The following GLI2 variants were observed in gnomAD, a reference collection of about 807,000 sequenced individuals.
GLI2 encodes the protein transcription activator GLI2.
Under a neutral mutation model 78.9 loss-of-function variants are expected in GLI2, and 22 were observed. The ratio of observed to expected loss-of-function variants is 0.28; its 90% CI spans 0.20 to 0.40. The LOEUF (loss-of-function observed/expected upper bound fraction) is 0.40, where lower values mean the gene tolerates loss of function less well. Ranked by LOEUF, GLI2 falls within the 10% of genes least tolerant of loss-of-function variation. GLI2 has a pLI of 1.00. For missense variants in GLI2, 2,097 were observed against 2,213.2 expected (o/e 0.95, Z 1.05); for synonymous variants, 974 against 963.7 (o/e 1.01, Z -0.20).
At chr2:120,967,638 C>T (rs985261937) in intron 5 of GLI2, among the ~76,000 whole-genome samples, 6 of 152,240 alleles carry the variant, frequency 3.9e-5, no homozygotes, top group Admixed American at 3.3e-4. Flanking sequence ...AGCCATGTGT[C>T]CACACATATG....
intron 2 of GLI2, among the ~76,000 whole-genome samples, chr2:120,797,762 G>C (rs548211590): frequency 6.6e-5 from 10 of 152,104 alleles, no homozygotes; most frequent in Non-Finnish European, 1.5e-4. Context: ...GGAGGGGCAT[G>C]GTCGCTGCCA....
At chr2:120,979,886 T>C (rs950921432) in intron 10 of GLI2, among the ~76,000 whole-genome samples, 27 of 152,250 alleles carry the variant, frequency 1.8e-4, no homozygotes, top group African/African-American at 6.5e-4. Flanking sequence ...TCATAAAAAC[T>C]GAAATCATAC....
Position 120,982,784 on chromosome 2 carries a change from G to C in GLI2, c.1536G>C (p.Gly512=), listed in dbSNP as rs1248370913. 1.2e-6 allele frequency: 2 copies of C among 1,614,034 alleles called. No homozygotes were observed. Among genetic ancestry groups the C allele is most frequent in the South Asian group, 2.2e-5 (2 of 91,082 alleles). ...AGACACACCTGCGGTCCCACACCGG[G>C]GAGAAGCCATATGTGTGTGAGCACG... The part of the protein sequence containing the change: ...NLKTHLRSHT[G]EKPYVCEHEG... The change falls in exon 11 of 14, where the codon GGG becomes GGC. Residue 512 remains glycine, a synonymous_variant. Coordinates refer to ENST00000361492, the MANE Select transcript of GLI2 (RefSeq NM_001374353.1).
intron 2 of GLI2, among the ~76,000 whole-genome samples, chr2:120,897,173 C>T (rs1289235667): frequency 6.6e-6 from 1 of 152,220 alleles, no homozygotes; most frequent in Non-Finnish European, 1.5e-5. Flanking sequence ...GTGGCCACAG[C>T]TCCTGGTCTT....
At chr2:120,923,248 A>G (rs1173009253) in intron 2 of GLI2, among the ~76,000 whole-genome samples, 1 of 21,806 alleles carries the variant, frequency 4.6e-5, no homozygotes, top group East Asian at 2.7e-3. Flanking sequence ...ACACACACAC[A>G]ACAGCACACA....
intron 2 of GLI2, among the ~76,000 whole-genome samples, chr2:120,874,556 CA>C (rs1297574228): frequency 6.6e-6 from 1 of 152,156 alleles, no homozygotes; most frequent in East Asian, 1.9e-4. Flanking sequence ...TCTGTGTAGA[CA>C]GGCCGGCGTT....
chr2:120,781,291 C>G (rs1041792256), intron 1 of GLI2, among the ~76,000 whole-genome samples: 17 of 152,086 alleles, frequency 1.1e-4, no homozygotes, highest in African/African-American at 4.1e-4. Context: ...TCATAACTCC[C>G]AGGAAGAATG....
intron 3 of GLI2, among the ~76,000 whole-genome samples, chr2:120,929,465 T>C (rs1466691447): frequency 6.6e-6 from 1 of 152,266 alleles, no homozygotes; most frequent in Non-Finnish European, 1.5e-5. Context: ...TTTCTGTTTC[T>C]ATCATTTTGT....
At chr2:120,748,842 G>C (rs1682773442) in intron 1 of GLI2, among the ~76,000 whole-genome samples, 1 of 147,574 alleles carries the variant, frequency 6.8e-6, no homozygotes, top group Admixed American at 6.8e-5. Flanking sequence ...AGATTATAGT[G>C]ATCTTGCATT....
At chr2:120,887,682 G>A (rs1027240840) in intron 2 of GLI2, among the ~76,000 whole-genome samples, 4 of 152,232 alleles carry the variant, frequency 2.6e-5, no homozygotes, top group African/African-American at 7.2e-5. Flanking sequence ...ATCCCGGAGC[G>A]GGGTGCTGTT....
intron 2 of GLI2, among the ~76,000 whole-genome samples, chr2:120,846,037 C>T (rs184050420): frequency 1.4e-3 from 217 of 152,224 alleles, no homozygotes; most frequent in Middle Eastern, 3.4e-3. Flanking sequence ...TCTGCCTTTC[C>T]CCAGGTCAGC....
At chr2:120,743,284 C>G (rs1219230930) in intron 1 of GLI2, among the ~76,000 whole-genome samples, 1 of 152,156 alleles carries the variant, frequency 6.6e-6, no homozygotes, top group East Asian at 1.9e-4. Flanking sequence ...TGTGCCGCCT[C>G]CCCGCTCCCC....
At chr2:120,765,749 C>T (rs1174319575) in intron 1 of GLI2, among the ~76,000 whole-genome samples, 1 of 152,252 alleles carries the variant, frequency 6.6e-6, no homozygotes, top group Non-Finnish European at 1.5e-5. Context: ...TAGCAAAGCT[C>T]TTTCTCCGTT....
intron 1 of GLI2, among the ~76,000 whole-genome samples, chr2:120,786,269 G>C (rs896808858): frequency 6.6e-6 from 1 of 152,204 alleles, no homozygotes; most frequent in Non-Finnish European, 1.5e-5. Flanking sequence ...AGGGTCCCAG[G>C]TCAGCCCAGC....
intron 3 of GLI2, among the ~76,000 whole-genome samples, chr2:120,943,350 C>T (rs1389740894): frequency 6.6e-6 from 1 of 152,138 alleles, no homozygotes; most frequent in African/African-American, 2.4e-5. Flanking sequence ...CTGTGAGAGG[C>T]AAGCATGGCC....
intron 3 of GLI2, among the ~76,000 whole-genome samples, chr2:120,944,322 C>T (rs752477796): frequency 3.7e-4 from 57 of 152,316 alleles, no homozygotes; most frequent in Non-Finnish European, 6.2e-4. Flanking sequence ...TAATTGAGCA[C>T]CTACTAAGTG....
intron 1 of GLI2, among the ~76,000 whole-genome samples, chr2:120,790,309 G>A (rs1485835932): frequency 1.3e-5 from 2 of 152,180 alleles, no homozygotes; most frequent in Non-Finnish European, 2.9e-5. Flanking sequence ...TCTTGCTGGG[G>A]GTGCATCCCC....
chr2:120,875,813 G>A (rs796764309), intron 2 of GLI2, among the ~76,000 whole-genome samples: 2 of 152,000 alleles, frequency 1.3e-5, no homozygotes. Context: ...GGGATGAGGT[G>A]GGGGGGCTGG....
intron 2 of GLI2, among the ~76,000 whole-genome samples, chr2:120,894,435 A>C (rs901682413): frequency 1.3e-5 from 2 of 152,132 alleles, no homozygotes; most frequent in African/African-American, 2.4e-5. Flanking sequence ...GAGTATACGC[A>C]GCCTGGGAGT....
Sources: gnomAD v4.1 joint callset for allele counts (sites outside exome capture counted in the v4.1 genomes callset) on GRCh38, gnomAD v4.1.1 for gene constraint, MANE v1.5 for transcripts, NCBI Gene and HGNC (gene_info 2026-07-23, HGNC 2026-07-21) for gene names.